Variants in RIT2 observed in about 807,000 individuals in gnomAD.
The protein encoded by RIT2 is GTP-binding protein Rit2.
In RIT2, 24 loss-of-function variants were observed where a neutral mutation model predicts 23.7. The observed-to-expected ratio is 1.01, with a 90% confidence interval of 0.73 to 1.43. The LOEUF (loss-of-function observed/expected upper bound fraction) is 1.43, where lower values mean the gene tolerates loss of function less well. RIT2 is among the 40% of genes most tolerant of loss of function. The pLI is 0.00. For synonymous variants in RIT2, 107 were observed against 91.1 expected (o/e 1.17, Z -0.99); for missense variants, 236 against 266.9 (o/e 0.88, Z 0.81).
chr18:42,827,266 G>T (rs377438659), intron 4 of RIT2, among the ~76,000 whole-genome samples: 3 of 152,270 alleles, frequency 2.0e-5, no homozygotes, highest in African/African-American at 7.2e-5. Flanking sequence ...AATAAACATT[G>T]TTGAAGCAAT....
chr18:42,817,131 GA>G (rs1906020887), intron 4 of RIT2, among the ~76,000 whole-genome samples: 1 of 151,886 alleles, frequency 6.6e-6, no homozygotes, highest in Admixed American at 6.6e-5. Flanking sequence ...ACTTCAGGGA[GA>G]AAAAAGGTAT....
intron 3 of RIT2, among the ~76,000 whole-genome samples, chr18:42,948,395 C>A (rs901914752): frequency 2.0e-5 from 3 of 151,956 alleles, no homozygotes; most frequent in African/African-American, 7.2e-5. Flanking sequence ...TCTGCAGGAG[C>A]AAGGAGGAGT....
chr18:42,930,903 G>A (rs998150754), intron 3 of RIT2, among the ~76,000 whole-genome samples: 1 of 152,116 alleles, frequency 6.6e-6, no homozygotes, highest in Non-Finnish European at 1.5e-5. Context: ...GAGAGCTGGA[G>A]CTTTGCCTCC....
At chr18:43,067,449 G>A (rs1912797558) in intron 1 of RIT2, among the ~76,000 whole-genome samples, 1 of 152,098 alleles carries the variant, frequency 6.6e-6, no homozygotes, top group Non-Finnish European at 1.5e-5. Context: ...GCACAGCCTA[G>A]TTTTATACAT....
intron 1 of RIT2, among the ~76,000 whole-genome samples, chr18:43,077,661 T>C (rs2144343624): frequency 6.6e-6 from 1 of 152,344 alleles, no homozygotes; most frequent in South Asian, 2.1e-4. Flanking sequence ...AATTGTAACA[T>C]GAGCAATGTA....
At chr18:43,043,379 G>A (rs996606294) in intron 1 of RIT2, among the ~76,000 whole-genome samples, 1 of 152,020 alleles carries the variant, frequency 6.6e-6, no homozygotes, top group East Asian at 1.9e-4. Flanking sequence ...TGCACCACGT[G>A]GGCCATTGAT....
At chr18:42,822,509 C>T (rs1028851231) in intron 4 of RIT2, among the ~76,000 whole-genome samples, 1 of 152,024 alleles carries the variant, frequency 6.6e-6, no homozygotes, top group African/African-American at 2.4e-5. Context: ...TGGTTGGTTC[C>T]AATACATTGT....
intron 4 of RIT2, among the ~76,000 whole-genome samples, chr18:42,831,851 G>T (rs902094899): frequency 1.3e-5 from 2 of 152,120 alleles, no homozygotes; most frequent in Non-Finnish European, 2.9e-5. Context: ...ATAATCACCT[G>T]AGTGATTAAC....
chr18:42,965,737 T>TTTTTTTTTTTTA, intron 3 of RIT2, among the ~76,000 whole-genome samples: 1 of 135,590 alleles, frequency 7.4e-6, no homozygotes, highest in Non-Finnish European at 1.6e-5. Context: ...TTTTTTTTTT[T>TTTTTTTTTTTTA]TTTTTTTTCA....
intron 4 of RIT2, among the ~76,000 whole-genome samples, chr18:42,864,952 G>T (rs376409125): frequency 6.6e-6 from 1 of 152,208 alleles, no homozygotes; most frequent in East Asian, 1.9e-4. Flanking sequence ...CTTACTAAAT[G>T]GACATTCAGC....
intron 2 of RIT2, among the ~76,000 whole-genome samples, chr18:43,029,746 AT>A (rs1468665909): frequency 6.6e-6 from 1 of 152,060 alleles, no homozygotes; most frequent in Non-Finnish European, 1.5e-5. Flanking sequence ...ATAATATTGA[AT>A]AAAGAGGAAG....
At chr18:42,977,632 C>A (rs1247811908) in intron 2 of RIT2, among the ~76,000 whole-genome samples, 3 of 151,696 alleles carry the variant, frequency 2.0e-5, no homozygotes, top group Non-Finnish European at 4.4e-5. Flanking sequence ...TGGGCACATA[C>A]AATCATAGTC....
chr18:42,929,038 T>TATATATATATATATATATAC (rs1568032646), intron 3 of RIT2, among the ~76,000 whole-genome samples: 2 of 140,812 alleles, frequency 1.4e-5, no homozygotes, highest in Non-Finnish European at 1.5e-5. Flanking sequence ...TATGGAGATA[T>TATATATATATATATATATAC]ATATATATAT....
At chr18:43,046,016 C>T (rs951581450) in intron 1 of RIT2, among the ~76,000 whole-genome samples, 15 of 151,962 alleles carry the variant, frequency 9.9e-5, no homozygotes, top group Non-Finnish European at 1.8e-4. Flanking sequence ...CTGTATTTTT[C>T]TTTTCACAAC....
intron 4 of RIT2, among the ~76,000 whole-genome samples, chr18:42,862,265 T>A (rs1197918665): frequency 5.9e-5 from 9 of 151,806 alleles, no homozygotes; most frequent in Admixed American, 1.3e-4. Context: ...CTCCCTTCAC[T>A]CTCTCTCTCT....
intron 4 of RIT2, among the ~76,000 whole-genome samples, chr18:42,833,053 CA>C (rs35952869): frequency 0.28 from 21,955 of 77,582 alleles, 1,234 homozygotes; most frequent in African/African-American, 0.34. Context: ...GACTTCATCT[CA>C]AAAAAAAAAA....
chr18:43,061,133 A>G (rs1912634994), intron 1 of RIT2, among the ~76,000 whole-genome samples: 1 of 152,142 alleles, frequency 6.6e-6, no homozygotes, highest in African/African-American at 2.4e-5. Context: ...TCAAGACAGA[A>G]TTTGATTTCA....
At chr18:43,060,706 G>GA in intron 1 of RIT2, among the ~76,000 whole-genome samples, 1 of 152,200 alleles carries the variant, frequency 6.6e-6, no homozygotes, top group South Asian at 2.1e-4. Flanking sequence ...AGATCATTCA[G>GA]AAAAAATAAA....
chr18:42,957,106 A>G (rs1315279091), intron 3 of RIT2, among the ~76,000 whole-genome samples: 2 of 152,200 alleles, frequency 1.3e-5, no homozygotes, highest in African/African-American at 4.8e-5. Context: ...TAAATGATAC[A>G]TACATTAGGC....
Sources: gnomAD v4.1 joint callset for allele counts (sites outside exome capture counted in the v4.1 genomes callset) on GRCh38, gnomAD v4.1.1 for gene constraint, MANE v1.5 for transcripts, NCBI Gene and HGNC (gene_info 2026-07-23, HGNC 2026-07-21) for gene names.